Variants in RAPGEF6 observed in about 807,000 individuals in gnomAD.
The protein encoded by RAPGEF6 is Rap guanine nucleotide exchange factor 6.
A neutral mutation model predicts 171.4 loss-of-function variants in RAPGEF6; 56 were observed. That is an observed-to-expected ratio of 0.33 (90% CI 0.26 to 0.41). RAPGEF6 has a LOEUF of 0.41. Among genes scored for constraint, RAPGEF6 ranks in the 10% least tolerant of loss-of-function variants. The pLI, the probability that RAPGEF6 is intolerant of heterozygous loss-of-function variation, is 1.00. For synonymous variants in RAPGEF6, 692 were observed against 650.1 expected, an observed-to-expected ratio of 1.06 and a Z score of -0.98; for missense variants, 1,674 against 1,921.4, an observed-to-expected ratio of 0.87 and a Z score of 2.41.
intron 16 of RAPGEF6, 159 bp from the exon 17 acceptor site, chr5:131,472,903 G>A: frequency 5.0e-6 from 3 of 601,626 alleles, no homozygotes; most frequent in Non-Finnish European, 8.4e-6. Flanking sequence ...TTGTAATGAT[G>A]AAAATGGCAC....
chr5:131,516,859 T>C (rs570625896), intron 7 of RAPGEF6, among the ~76,000 whole-genome samples: 4 of 152,326 alleles, frequency 2.6e-5, no homozygotes, highest in African/African-American at 9.6e-5. Context: ...CCCTCCACAC[T>C]ATAGTACATG....
At position 131,431,224 on chromosome 5, in the gene RAPGEF6, G is replaced by A. The variant is rs745477706; in HGVS notation, c.4100C>T (p.Ser1367Leu). 5.0e-6 allele frequency: 8 copies of A among 1,614,182 alleles called. No individual in the cohort carries two copies. The highest frequency in any genetic ancestry group is 3.3e-4 in the Middle Eastern group (2 of 6,062). The part of the protein sequence containing the change: ...AADSGRGSWT[S>L]CSSSSHDNFQ... ...GTTGTCATGGGAGCTGCTTGAACAC[G>A]AAGTCCAACTTCCACGACCACTGTC... The change falls in exon 26 of 28, where the codon TCG becomes TTG. Residue 1367 changes from serine (S) to leucine (L), a missense_variant. Around this residue, in one of 3 missense-constraint regions of RAPGEF6, gnomAD observed 552 missense variants for 574.2 expected, o/e 0.96. Transcript: ENST00000509018.
Position 131,442,345 on chromosome 5 carries a change from T to G in RAPGEF6, c.3610+4A>C. 1 of 1,606,718 alleles carries G rather than the reference T, an allele frequency of 6.2e-7. No individual in the cohort carries two copies. On this transcript the variant is annotated splice_donor_region_variant and intron_variant, in intron 23 of 27. Coordinates refer to ENST00000509018, the MANE Select transcript of RAPGEF6 (RefSeq NM_016340.6). ...CGGATGTAATATTAATGGTGAATACTCACTCAGTGCAGGGTCTTTTGTTTG... is the reference window on the plus strand; with the variant it reads ...CGGATGTAATATTAATGGTGAATACGCACTCAGTGCAGGGTCTTTTGTTTG...
chr5:131,606,039 A>G lies in RAPGEF6; in HGVS notation c.70-1346T>C, dbSNP rs988424003. Reference sequence around the variant, plus strand: ...AGTGAGACTCCATCTCAAAAAAAAAAAAAAAAAAAAAAAAGAAAAAGAAAA... The same window carrying G: ...AGTGAGACTCCATCTCAAAAAAAAAGAAAAAAAAAAAAAAGAAAAAGAAAA... On this transcript the variant is annotated intron_variant, in intron 1 of 27. Transcript: ENST00000509018. Among the ~76,000 whole-genome samples, 240 of 146,296 alleles carry G rather than the reference A, an allele frequency of 1.6e-3. 1 individual carries two copies. The highest frequency in any genetic ancestry group is 5.7e-3 in the African/African-American group (217 of 38,060).
intron 6 of RAPGEF6, among the ~76,000 whole-genome samples, chr5:131,530,472 A>T (rs926317564): frequency 6.6e-6 from 1 of 152,236 alleles, no homozygotes; most frequent in African/African-American, 2.4e-5. Context: ...ATAGTAGCAT[A>T]GGCAAAAATA....
At chr5:131,609,822 T>G (rs1764834706) in intron 1 of RAPGEF6, among the ~76,000 whole-genome samples, 2 of 152,224 alleles carry the variant, frequency 1.3e-5, no homozygotes, top group South Asian at 4.1e-4. Flanking sequence ...TTATCTTACT[T>G]ACCTCAGAGG....
chr5:131,458,306 A>C (rs1320577399), intron 19 of RAPGEF6, among the ~76,000 whole-genome samples: 1 of 152,124 alleles, frequency 6.6e-6, no homozygotes, highest in Admixed American at 6.5e-5. Flanking sequence ...TGATGGTTTA[A>C]AAGTGTGGCA....
At chr5:131,432,088 T>C (rs1270348586) in intron 25 of RAPGEF6, among the ~76,000 whole-genome samples, 1 of 152,092 alleles carries the variant, frequency 6.6e-6, no homozygotes, top group Admixed American at 6.6e-5. Context: ...TTTTGTATGG[T>C]CTGGAGCAAA....
chr5:131,476,584 C>T lies in RAPGEF6; in HGVS notation c.2081+2929G>A, dbSNP rs555027658. 2.7e-3 allele frequency among the ~76,000 whole-genome samples: 405 copies of T among 152,310 alleles called. 3 individuals are homozygous for T. The highest frequency in any genetic ancestry group is 9.4e-3 in the African/African-American group (390 of 41,568). ...CAAGTGATTCTCCTGCCTCAGCCTCCCGAGTAACTGGGATTACAGGCATGT... is the reference window on the plus strand; with the variant it reads ...CAAGTGATTCTCCTGCCTCAGCCTCTCGAGTAACTGGGATTACAGGCATGT... On this transcript the variant is annotated intron_variant, in intron 16 of 27. Transcript: ENST00000509018.
At chr5:131,461,615 T>C (rs1358013356) in intron 19 of RAPGEF6, 90 bp downstream of exon 19, 7 of 1,249,640 alleles carry the variant, frequency 5.6e-6, no homozygotes, top group Non-Finnish European at 7.6e-6. Context: ...TGAACATTTC[T>C]TTTCATAGGC....
intron 21 of RAPGEF6, among the ~76,000 whole-genome samples, chr5:131,452,022 G>A (rs1753116085): frequency 6.6e-6 from 1 of 152,162 alleles, no homozygotes; most frequent in Non-Finnish European, 1.5e-5. Context: ...CACGAGGTCA[G>A]GAGATCGAGA....
At chr5:131,602,997 A>G (rs1764345438) in intron 3 of RAPGEF6, among the ~76,000 whole-genome samples, 1 of 152,202 alleles carries the variant, frequency 6.6e-6, no homozygotes, top group Non-Finnish European at 1.5e-5. Flanking sequence ...ACAAGTCAGA[A>G]TTGTCATTAC....
chr5:131,593,064 C>T (rs1261640145), intron 3 of RAPGEF6, among the ~76,000 whole-genome samples: 1 of 152,176 alleles, frequency 6.6e-6, no homozygotes, highest in African/African-American at 2.4e-5. Flanking sequence ...CAATTCTTAA[C>T]AGCTACACAG....
intron 17 of RAPGEF6, 121 bp downstream of exon 17, chr5:131,472,466 C>T (rs1754811619): frequency 1.7e-6 from 2 of 1,152,118 alleles, no homozygotes; most frequent in East Asian, 5.1e-5. Context: ...TTTTTTGCAT[C>T]AAGTCATAAT....
Position 131,635,189 on chromosome 5 carries a change from C to T in RAPGEF6, c.-159G>A, listed in dbSNP as rs1017684628. The stretch of plus-strand genomic sequence containing the variant: ...GCAAACAACCCTTCGCAACGCCCGC[C>T]TAAGGCCTCTACCCACGCGCGACTG... On this transcript the variant is annotated 5_prime_UTR_variant, in exon 1 of 28. Transcript: ENST00000509018. 19 of 717,094 alleles carry T rather than the reference C, an allele frequency of 2.6e-5. No individual in the cohort carries two copies. Among genetic ancestry groups the T allele is most frequent in the Non-Finnish European group, 4.2e-5 (19 of 451,134 alleles). 44.4% of individuals were successfully genotyped at this position (717,094 alleles called of 1,614,324 possible). A position where few individuals can be genotyped will look rare whatever the true frequency, so the allele number is the denominator to read the frequency against.
chr5:131,499,968 A>G (rs11242080), intron 11 of RAPGEF6, among the ~76,000 whole-genome samples: 115,459 of 151,646 alleles, frequency 0.76, 44,208 homozygotes, highest in Middle Eastern at 0.82. Context: ...GCGCGATCTC[A>G]GCTCACTGCA....
At chr5:131,471,762 T>A (rs1754755654) in intron 17 of RAPGEF6, among the ~76,000 whole-genome samples, 1 of 152,072 alleles carries the variant, frequency 6.6e-6, no homozygotes, top group African/African-American at 2.4e-5. Flanking sequence ...TAACTTGACA[T>A]CCCACACTGG....
intron 22 of RAPGEF6, among the ~76,000 whole-genome samples, chr5:131,443,202 C>A (rs1178449272): frequency 6.6e-6 from 1 of 152,098 alleles, no homozygotes; most frequent in African/African-American, 2.4e-5. Context: ...CTCAGCCTCC[C>A]AAAGTGCTGG....
intron 18 of RAPGEF6, 115 bp from the exon 19 acceptor site, chr5:131,462,203 A>T: frequency 3.4e-6 from 3 of 881,936 alleles, no homozygotes; most frequent in Non-Finnish European, 4.6e-6. Context: ...TTAGCCAAAA[A>T]TATTAATTTA....
Sources: allele counts gnomAD v4.1 joint callset (sites outside exome capture counted in the v4.1 genomes callset), GRCh38; gene constraint gnomAD v4.1.1; regional missense constraint gnomAD v4.1.1; transcripts MANE v1.5; gene names NCBI Gene and HGNC (gene_info 2026-07-23, HGNC 2026-07-21).